RASSF3: variants seen among roughly 807,000 people sequenced by gnomAD.
RASSF3 encodes ras association domain-containing protein 3.
In RASSF3, 19 loss-of-function variants were observed where a neutral mutation model predicts 19.9. The observed-to-expected ratio is 0.96, with a 90% confidence interval of 0.67 to 1.40. The LOEUF is 1.40. Ranked by LOEUF, RASSF3 falls within the 40% of genes most tolerant of loss-of-function variation. The pLI is 0.00. For missense variants in RASSF3, 306 were observed against 289.8 expected (o/e 1.06, Z -0.41); for synonymous variants, 110 against 104.2 (o/e 1.06, Z -0.34).
At chr12:64,508,052 G>A (rs879323807) in intron 1 of RASSF3, among the ~76,000 whole-genome samples, 14 of 152,206 alleles carry the variant, frequency 9.2e-5, no homozygotes, top group Admixed American at 9.2e-4. Context: ...ACTTCATAAT[G>A]TTTCATCTTG....
At chr12:64,607,920 A>G (rs1376304538), upstream of RASSF3, among the ~76,000 whole-genome samples, 2 of 151,402 alleles carry the variant, frequency 1.3e-5, no homozygotes, top group Non-Finnish European at 2.9e-5. Flanking sequence ...CACATTGGCT[A>G]ATTTTTTTTT....
At chr12:64,625,527 C>T (rs899150678) in intron 1 of RASSF3, among the ~76,000 whole-genome samples, 1 of 151,890 alleles carries the variant, frequency 6.6e-6, no homozygotes, top group Non-Finnish European at 1.5e-5. Context: ...CAGGGCAGCT[C>T]GCTTGACCTG....
At chr12:64,539,928 C>T (rs1191217983) in intron 1 of RASSF3, among the ~76,000 whole-genome samples, 1 of 152,072 alleles carries the variant, frequency 6.6e-6, no homozygotes, top group Non-Finnish European at 1.5e-5. Context: ...TATAGTCTAT[C>T]TGTATGATAG....
chr12:64,641,260 G>T (rs979256390), intron 1 of RASSF3, among the ~76,000 whole-genome samples: 14 of 151,802 alleles, frequency 9.2e-5, no homozygotes, highest in African/African-American at 3.4e-4. Context: ...GCTGGGCGTG[G>T]TGGTGTGTGC....
chr12:64,621,050 C>G, intron 1 of RASSF3, among the ~76,000 whole-genome samples: 1 of 150,612 alleles, frequency 6.6e-6, no homozygotes, highest in East Asian at 2.0e-4. Flanking sequence ...ATTCTCCTGC[C>G]TCAGCCTCCC....
intron 1 of RASSF3, among the ~76,000 whole-genome samples, chr12:64,675,507 T>G (rs1412599228): frequency 6.6e-6 from 1 of 152,050 alleles, no homozygotes; most frequent in Non-Finnish European, 1.5e-5. Flanking sequence ...ACACTGGGAA[T>G]CTCTAAGAGG....
chr12:64,583,039 G>T (rs1869730083), intron 2 of RASSF3, among the ~76,000 whole-genome samples: 1 of 152,040 alleles, frequency 6.6e-6, no homozygotes, highest in Non-Finnish European at 1.5e-5. Context: ...TGTACCTTTT[G>T]TTCTCTTGCA....
At chr12:64,567,261 C>T (rs2136128477) in intron 2 of RASSF3, among the ~76,000 whole-genome samples, 1 of 152,252 alleles carries the variant, frequency 6.6e-6, no homozygotes, top group South Asian at 2.1e-4. Flanking sequence ...TTATCAGTCA[C>T]AGTCACAGCA....
intron 1 of RASSF3, chr12:64,611,371 C>G (rs978445088): frequency 2.6e-5 from 4 of 152,256 alleles, no homozygotes; most frequent in African/African-American, 4.8e-5. Flanking sequence ...TGCAAACAAG[C>G]TCCTATGCTA....
chr12:64,539,021 G>A (rs972902193), intron 1 of RASSF3, among the ~76,000 whole-genome samples: 2 of 152,158 alleles, frequency 1.3e-5, no homozygotes, highest in Non-Finnish European at 2.9e-5. Flanking sequence ...ACTCCAGCCT[G>A]GGTGACAGAA....
At chr12:64,514,474 C>G (rs564286011) in intron 1 of RASSF3, among the ~76,000 whole-genome samples, 1 of 152,052 alleles carries the variant, frequency 6.6e-6, no homozygotes, top group African/African-American at 2.4e-5. Context: ...CGTGAGCCAC[C>G]GTGCCCGGCC....
intron 2 of RASSF3, among the ~76,000 whole-genome samples, chr12:64,600,298 C>G (rs578187131): frequency 6.6e-6 from 1 of 151,470 alleles, no homozygotes; most frequent in South Asian, 2.1e-4. Context: ...AAAACACACA[C>G]AAACACACAC....
At chr12:64,668,751 G>A (rs991000276) in intron 1 of RASSF3, among the ~76,000 whole-genome samples, 6 of 146,244 alleles carry the variant, frequency 4.1e-5, no homozygotes, top group East Asian at 2.0e-4. Flanking sequence ...GCGCGATCTC[G>A]GCTCACTGCA....
chr12:64,623,801 C>A (rs1272570482), intron 1 of RASSF3, among the ~76,000 whole-genome samples: 2 of 151,800 alleles, frequency 1.3e-5, no homozygotes, highest in African/African-American at 4.9e-5. Flanking sequence ...CGCCACCATG[C>A]CTGGCTAATT....
At chr12:64,616,941 C>T (rs989369313) in intron 1 of RASSF3, among the ~76,000 whole-genome samples, 1 of 152,142 alleles carries the variant, frequency 6.6e-6, no homozygotes, top group Admixed American at 6.6e-5. Context: ...TCTTAAAGCC[C>T]GCTGTTCTTT....
intron 1 of RASSF3, among the ~76,000 whole-genome samples, chr12:64,613,878 G>T (rs1383172360): frequency 6.6e-6 from 1 of 152,050 alleles, no homozygotes; most frequent in Non-Finnish European, 1.5e-5. Flanking sequence ...AGGCCGGGAG[G>T]CAGAGGTTGC....
intron 2 of RASSF3, among the ~76,000 whole-genome samples, chr12:64,556,605 C>G (rs1338075607): frequency 6.6e-6 from 1 of 152,044 alleles, no homozygotes; most frequent in Non-Finnish European, 1.5e-5. Flanking sequence ...GAAAATGGGT[C>G]CAGGGGTCTG....
intron 1 of RASSF3, among the ~76,000 whole-genome samples, chr12:64,629,096 G>A (rs1036515465): frequency 4.0e-5 from 6 of 149,246 alleles, no homozygotes; most frequent in African/African-American, 7.5e-5. Context: ...CACCACACCC[G>A]ACTAATTTTC....
chr12:64,614,089 A>G (rs1005101486), intron 1 of RASSF3, among the ~76,000 whole-genome samples: 3 of 151,618 alleles, frequency 2.0e-5, no homozygotes, highest in African/African-American at 7.3e-5. Context: ...AGCTGAATGA[A>G]TGAATGTTTT....
Sources: allele counts gnomAD v4.1 joint callset (sites outside exome capture counted in the v4.1 genomes callset), GRCh38; gene constraint gnomAD v4.1.1; transcripts MANE v1.5; gene names NCBI Gene and HGNC (gene_info 2026-07-23, HGNC 2026-07-21).